Variants in SCAND3 observed in about 807,000 individuals in gnomAD.
The protein encoded by SCAND3 is SCAN domain containing 3.
chr6:28,574,914 T>C, the SCAND3 span: 7 of 1,613,982 alleles, frequency 4.3e-6, no homozygotes, highest in Non-Finnish European at 5.9e-6. Context: ...AAAATCTTAG[T>C]CTGCTCTCAG....
the SCAND3 span, among the ~76,000 whole-genome samples, chr6:28,613,987 G>C: frequency 6.7e-6 from 1 of 150,286 alleles, no homozygotes; most frequent in Non-Finnish European, 1.5e-5. Context: ...TTTTTAGATG[G>C]AGTTTCGCTC....
At chr6:28,575,456 CTT>C in the SCAND3 span, 1 of 1,613,914 alleles carries the variant, frequency 6.2e-7, no homozygotes. The surrounding 1 kb of genome is among the most constrained non-coding windows in gnomAD (Gnocchi z 4.2). Flanking sequence ...GCATGTGCAA[CTT>C]CCGTAGGCCT....
At chr6:28,610,013 T>C in the SCAND3 span, among the ~76,000 whole-genome samples, 1 of 151,990 alleles carries the variant, frequency 6.6e-6, no homozygotes, top group Non-Finnish European at 1.5e-5. Flanking sequence ...TCACTTGAGT[T>C]TGGGAGTTCG....
At chr6:28,579,272 C>A in the SCAND3 span, 1 of 1,612,272 alleles carries the variant, frequency 6.2e-7, no homozygotes, top group African/African-American at 1.3e-5. This position sits in a 1 kb window ranked among gnomAD's most constrained non-coding sequence, Gnocchi z 4.5. Context: ...TTATTCTCAC[C>A]ATTATCTTGA....
the SCAND3 span, among the ~76,000 whole-genome samples, chr6:28,612,533 G>T: frequency 1.3e-5 from 2 of 152,214 alleles, no homozygotes; most frequent in Admixed American, 1.3e-4. Flanking sequence ...AAACACACTG[G>T]TATAAAACCC....
chr6:28,580,132 C>G, the SCAND3 span, among the ~76,000 whole-genome samples: 113 of 152,084 alleles, frequency 7.4e-4, no homozygotes, highest in African/African-American at 2.7e-3. Flanking sequence ...TTTCCTCCAA[C>G]TTGGATACCA....
chr6:28,607,647 C>A, the SCAND3 span, among the ~76,000 whole-genome samples: 39 of 151,986 alleles, frequency 2.6e-4, no homozygotes, highest in African/African-American at 8.4e-4. Context: ...TATACCTTAC[C>A]TTTTCTTGAA....
At chr6:28,603,087 C>T in the SCAND3 span, among the ~76,000 whole-genome samples, 277 of 151,592 alleles carry the variant, frequency 1.8e-3, 1 homozygote, top group Middle Eastern at 6.8e-3. Context: ...CTCAGCCTCC[C>T]GAGTAGCTGG....
the SCAND3 span, chr6:28,573,291 C>T: frequency 6.2e-7 from 1 of 1,614,022 alleles, no homozygotes; most frequent in Non-Finnish European, 8.5e-7. Context: ...AAAGTGGTAC[C>T]TGAGCTACCT....
chr6:28,615,388 C>T, the SCAND3 span, among the ~76,000 whole-genome samples: 1 of 151,980 alleles, frequency 6.6e-6, no homozygotes, highest in East Asian at 1.9e-4. Flanking sequence ...CCGAGGTGGG[C>T]GGATCATTTG....
At chr6:28,581,895 G>A in the SCAND3 span, among the ~76,000 whole-genome samples, 1 of 152,242 alleles carries the variant, frequency 6.6e-6, no homozygotes, top group African/African-American at 2.4e-5. Flanking sequence ...AATAGACACT[G>A]GGTTGGCAGC....
the SCAND3 span, among the ~76,000 whole-genome samples, chr6:28,614,292 C>A: frequency 6.6e-6 from 1 of 151,942 alleles, no homozygotes; most frequent in Non-Finnish European, 1.5e-5. Context: ...GACACTATTT[C>A]TTATGAATTT....
At chr6:28,580,801 C>G in the SCAND3 span, among the ~76,000 whole-genome samples, 4 of 126,602 alleles carry the variant, frequency 3.2e-5, no homozygotes, top group South Asian at 6.4e-4. Context: ...CCCACCCCCC[C>G]ACCCCCCCAA....
the SCAND3 span, chr6:28,573,891 T>C: frequency 7.0e-7 from 1 of 1,419,390 alleles, no homozygotes; most frequent in Non-Finnish European, 9.2e-7. Context: ...AACAGTGTTA[T>C]ACCACAAGTT....
chr6:28,572,377 A>G, the SCAND3 span: 2 of 1,612,410 alleles, frequency 1.2e-6, no homozygotes, highest in Non-Finnish European at 1.7e-6. The surrounding 1 kb of genome is among the most constrained non-coding windows in gnomAD (Gnocchi z 4.1). Context: ...CAGATGTGCA[A>G]TATCAAGATC....
At chr6:28,603,628 T>C in the SCAND3 span, among the ~76,000 whole-genome samples, 1 of 100,842 alleles carries the variant, frequency 9.9e-6, no homozygotes, top group Non-Finnish European at 1.8e-5. Flanking sequence ...AAATATTACC[T>C]CACTTACATT....
the SCAND3 span, chr6:28,572,945 C>T: frequency 6.2e-7 from 1 of 1,613,986 alleles, no homozygotes; most frequent in Non-Finnish European, 8.5e-7. The surrounding 1 kb of genome is among the most constrained non-coding windows in gnomAD (Gnocchi z 4.1). Context: ...GTTACCACTT[C>T]AGAATGTTTT....
chr6:28,573,190 G>A, the SCAND3 span: 2 of 1,613,832 alleles, frequency 1.2e-6, no homozygotes, highest in South Asian at 1.1e-5. Flanking sequence ...AAGTTGCAAT[G>A]AAAAATACTT....
At chr6:28,575,204 A>G in the SCAND3 span, 18 of 1,614,042 alleles carry the variant, frequency 1.1e-5, no homozygotes, top group Non-Finnish European at 1.5e-5. This position sits in a 1 kb window ranked among gnomAD's most constrained non-coding sequence, Gnocchi z 4.2. Flanking sequence ...ATCTGAATGA[A>G]CCACAAAAAT....
Sources: gnomAD v4.1 joint callset for allele counts (sites outside exome capture counted in the v4.1 genomes callset) on GRCh38, gnomAD v4.1.1 for gene constraint, Gnocchi (gnomAD v3.1) non-coding constraint, MANE v1.5 for transcripts, NCBI Gene and HGNC (gene_info 2026-07-23, HGNC 2026-07-21) for gene names.